The following SNAPC1 variants were observed in gnomAD, a reference collection of about 807,000 sequenced individuals.
The protein encoded by SNAPC1 is snRNA-activating protein complex subunit 1.
In SNAPC1, 42 loss-of-function variants were observed where a neutral mutation model predicts 50.1. That is an observed-to-expected ratio of 0.84 (90% CI 0.65 to 1.08). The LOEUF (loss-of-function observed/expected upper bound fraction) is 1.08. Among genes scored for constraint, SNAPC1 ranks in the 50% least tolerant of loss-of-function variants. SNAPC1 has a pLI of 0.00. For synonymous variants in SNAPC1, 164 were observed against 144.2 expected (o/e 1.14, Z -0.98); for missense variants, 477 against 427.3 (o/e 1.12, Z -1.02).
intron 3 of SNAPC1, among the ~76,000 whole-genome samples, chr14:61,768,251 C>T (rs2044963328): frequency 6.6e-6 from 1 of 152,146 alleles, no homozygotes; most frequent in East Asian, 1.9e-4. Context: ...TCTCAAACAT[C>T]AGAGGAGGTT....
chr14:61,770,485 C>G (rs2044980556), intron 4 of SNAPC1, among the ~76,000 whole-genome samples: 1 of 152,126 alleles, frequency 6.6e-6, no homozygotes, highest in South Asian at 2.1e-4. Flanking sequence ...CTCAAGCGAT[C>G]TGCCTGCATT....
At chr14:61,783,044 G>C (rs904548571) in intron 8 of SNAPC1, among the ~76,000 whole-genome samples, 1 of 126,716 alleles carries the variant, frequency 7.9e-6, no homozygotes, top group African/African-American at 3.0e-5. Context: ...TTTTTTGAGA[G>C]GGAGTTTTGC....
chr14:61,794,299 G>A (rs1428388780), intron 9 of SNAPC1, among the ~76,000 whole-genome samples: 3 of 152,096 alleles, frequency 2.0e-5, no homozygotes, highest in African/African-American at 7.2e-5. Flanking sequence ...TATTAATTAG[G>A]ATTTAGAATG....
intron 8 of SNAPC1, among the ~76,000 whole-genome samples, chr14:61,792,423 G>A (rs997997514): frequency 6.6e-6 from 1 of 152,198 alleles, no homozygotes; most frequent in African/African-American, 2.4e-5. Flanking sequence ...AAGTAAGGCT[G>A]TTAAACTCAA....
chr14:61,780,738 G>A (rs2119761), intron 7 of SNAPC1, among the ~76,000 whole-genome samples: 21,725 of 152,004 alleles, frequency 0.14, 1,883 homozygotes, highest in South Asian at 0.32. Context: ...TCAGGTGGTC[G>A]TAGGTGTGTG....
chr14:61,779,432 T>A (rs969406624), intron 7 of SNAPC1, among the ~76,000 whole-genome samples: 2 of 152,074 alleles, frequency 1.3e-5, no homozygotes, highest in Admixed American at 1.3e-4. Flanking sequence ...ATTTCCAGTC[T>A]CTGTCTCATT....
Position 61,762,447 on chromosome 14 carries a change from G to C in SNAPC1, c.-14G>C. Reference sequence around the variant, plus strand: ...AGGCGTGCGGGCTTCGGAGGCGTGCGGGCTTCGGGTGCCATGGGGACTCCT... The same window carrying C: ...AGGCGTGCGGGCTTCGGAGGCGTGCCGGCTTCGGGTGCCATGGGGACTCCT... On this transcript the variant is annotated 5_prime_UTR_variant, in exon 1 of 10. Coordinates refer to ENST00000216294, the MANE Select transcript of SNAPC1 (RefSeq NM_003082.4). 1 of 1,611,256 alleles carries C rather than the reference G, an allele frequency of 6.2e-7. No individual in the cohort carries two copies. Among genetic ancestry groups the C allele is most frequent in the Non-Finnish European group, 8.5e-7 (1 of 1,179,710 alleles).
At position 61,767,303 on chromosome 14, in the gene SNAPC1, G is replaced by A; in HGVS notation, c.380G>A (p.Arg127Lys). 6.5e-7 allele frequency: 1 copy of A among 1,532,320 alleles called. No individual in the cohort carries two copies. 94.9% of individuals were successfully genotyped at this position (1,532,320 alleles called of 1,614,324 possible). ...CATTTTGATGCAGCTTATATTTTTA[G>A]GAAGCTACGACTAGACAGAGCATTT... The part of the protein sequence containing the change: ...AQHFDAAYIF[R>K]KLRLDRAFHF... Residue 127 changes from arginine (R) to lysine (K), a missense_variant, in exon 3 of 10, where the codon AGG becomes AAG. Physicochemically the swap from Arg to Lys is conservative, Grantham distance 26. Transcript: ENST00000216294.
intron 8 of SNAPC1, among the ~76,000 whole-genome samples, chr14:61,788,046 T>C (rs2045127332): frequency 7.1e-6 from 1 of 141,814 alleles, no homozygotes; most frequent in African/African-American, 2.7e-5. Context: ...GTGTGACAGT[T>C]ATAATTTATG....
intron 7 of SNAPC1, among the ~76,000 whole-genome samples, chr14:61,781,464 A>AT (rs1329135048): frequency 6.6e-6 from 1 of 151,614 alleles, no homozygotes. Context: ...AAAAAAAAAA[A>AT]AAAAAGGACA....
chr14:61,790,525 G>A (rs751674877), intron 8 of SNAPC1, among the ~76,000 whole-genome samples: 1 of 152,088 alleles, frequency 6.6e-6, no homozygotes, highest in Admixed American at 6.6e-5. Flanking sequence ...TAGTAGAGAC[G>A]GAGTCTTAAC....
At chr14:61,786,289 A>G (rs1187262037) in intron 8 of SNAPC1, among the ~76,000 whole-genome samples, 3 of 152,222 alleles carry the variant, frequency 2.0e-5, no homozygotes, top group Non-Finnish European at 2.9e-5. Flanking sequence ...GAAACAAAAA[A>G]AAACTGATAA....
chr14:61,775,188 T>C (rs1237395392), intron 4 of SNAPC1, among the ~76,000 whole-genome samples: 1 of 152,022 alleles, frequency 6.6e-6, no homozygotes, highest in East Asian at 1.9e-4. Context: ...TGGCTGGAGA[T>C]TTTTGGAGGA....
intron 8 of SNAPC1, among the ~76,000 whole-genome samples, chr14:61,792,384 G>A (rs1482372330): frequency 6.6e-6 from 1 of 152,174 alleles, no homozygotes; most frequent in Non-Finnish European, 1.5e-5. Flanking sequence ...AGCATATGTG[G>A]TGAGAAAAGA....
intron 7 of SNAPC1, among the ~76,000 whole-genome samples, chr14:61,779,309 T>C (rs2045055365): frequency 6.6e-6 from 1 of 152,212 alleles, no homozygotes; most frequent in South Asian, 2.1e-4. Context: ...CATGGTGACC[T>C]CCTTTCAATC....
chr14:61,769,676 C>T (rs542365219), intron 4 of SNAPC1, among the ~76,000 whole-genome samples: 1 of 152,222 alleles, frequency 6.6e-6, no homozygotes, highest in African/African-American at 2.4e-5. Flanking sequence ...GGATTACAGG[C>T]GTGAGCCACT....
At chr14:61,765,728 C>A (rs139590553) in intron 1 of SNAPC1, among the ~76,000 whole-genome samples, 93 of 152,222 alleles carry the variant, frequency 6.1e-4, no homozygotes, top group African/African-American at 2.1e-3. Flanking sequence ...AAGATACTTT[C>A]CTTTCATGTA....
intron 8 of SNAPC1, among the ~76,000 whole-genome samples, chr14:61,785,479 G>A (rs1416243794): frequency 6.6e-6 from 1 of 152,184 alleles, no homozygotes; most frequent in African/African-American, 2.4e-5. Context: ...AATGTCTACT[G>A]AGACCCCAGA....
chr14:61,780,423 T>TA (rs2045063561), intron 7 of SNAPC1, among the ~76,000 whole-genome samples: 2 of 152,184 alleles, frequency 1.3e-5, no homozygotes, highest in South Asian at 2.1e-4. Context: ...CACTATTCTC[T>TA]ATAGATTTTC....
Sources: gnomAD v4.1 joint callset for allele counts (sites outside exome capture counted in the v4.1 genomes callset) on GRCh38, gnomAD v4.1.1 for gene constraint, MANE v1.5 for transcripts, NCBI Gene and HGNC (gene_info 2026-07-23, HGNC 2026-07-21) for gene names.